Variants in NETO1 observed in about 807,000 individuals in gnomAD.
NETO1 encodes the protein neuropilin and tolloid-like protein 1.
NETO1 carries 26 observed loss-of-function variants against 61.3 expected under a neutral mutation model. The observed-to-expected ratio is 0.42, with a 90% CI of 0.31 to 0.59. The LOEUF (loss-of-function observed/expected upper bound fraction) is 0.59, where lower values mean the gene tolerates loss of function less well. Ranked by LOEUF, NETO1 falls within the 20% of genes least tolerant of loss-of-function variation. The pLI, the probability that NETO1 is intolerant of heterozygous loss-of-function variation, is 0.12. For missense variants in NETO1, 531 were observed against 662.8 expected, an observed-to-expected ratio of 0.80 and a Z score of 2.18; for synonymous variants, 225 against 225.8, an observed-to-expected ratio of 1.00 and a Z score of 0.03.
At chr18:72,820,077 T>C (rs1277725891) in intron 4 of NETO1, among the ~76,000 whole-genome samples, 2 of 152,198 alleles carry the variant, frequency 1.3e-5, no homozygotes, top group Non-Finnish European at 2.9e-5. Flanking sequence ...AAATGAAGAA[T>C]ATGTTTTGTA....
intron 4 of NETO1, among the ~76,000 whole-genome samples, chr18:72,845,418 T>C (rs1468872546): frequency 1.3e-5 from 2 of 152,134 alleles, no homozygotes; most frequent in African/African-American, 4.8e-5. Context: ...ATTGTATATA[T>C]AACATATACA....
At chr18:72,820,300 T>G (rs1288419271) in intron 4 of NETO1, among the ~76,000 whole-genome samples, 2 of 152,240 alleles carry the variant, frequency 1.3e-5, no homozygotes, top group African/African-American at 4.8e-5. Context: ...AAGTTTCAAA[T>G]GATTACAATG....
At chr18:72,742,487 C>G (rs924981111), downstream of NETO1, 2 of 152,128 alleles carry the variant, frequency 1.3e-5, no homozygotes, top group African/African-American at 4.8e-5. Flanking sequence ...TAAAAAATAT[C>G]TTCCAATGAA....
intron 3 of NETO1, 81 bp from the exon 4 acceptor site, chr18:72,859,155 A>G: frequency 7.5e-7 from 1 of 1,334,344 alleles, no homozygotes; most frequent in Non-Finnish European, 1.0e-6. Flanking sequence ...TTCAGATGTT[A>G]TTTGTACATC....
chr18:72,759,079 G>C (rs2070883848), intron 7 of NETO1, among the ~76,000 whole-genome samples: 2 of 152,058 alleles, frequency 1.3e-5, no homozygotes, highest in South Asian at 4.1e-4. Context: ...ACCAAATCAA[G>C]CCTACATTCT....
At chr18:72,758,385 TTGTGTGTGTG>T (rs71166416) in intron 7 of NETO1, among the ~76,000 whole-genome samples, 2 of 142,836 alleles carry the variant, frequency 1.4e-5, no homozygotes, top group African/African-American at 5.2e-5. Flanking sequence ...TTTTTTTTCT[TTGTGTGTGTG>T]TGTGTGTGTG....
At chr18:72,789,089 A>G (rs1273273624) in intron 6 of NETO1, among the ~76,000 whole-genome samples, 10 of 152,124 alleles carry the variant, frequency 6.6e-5, no homozygotes, top group Non-Finnish European at 1.5e-4. Flanking sequence ...TTTATTATTG[A>G]CCAGACATGT....
chr18:72,795,426 T>G (rs944675608), intron 4 of NETO1, among the ~76,000 whole-genome samples: 15 of 152,208 alleles, frequency 9.9e-5, no homozygotes, highest in Admixed American at 9.2e-4. Flanking sequence ...TATGAGTCAT[T>G]AATGATGTCA....
At chr18:72,819,749 C>G (rs967584003) in intron 4 of NETO1, among the ~76,000 whole-genome samples, 3 of 151,914 alleles carry the variant, frequency 2.0e-5, no homozygotes, top group Admixed American at 1.3e-4. Flanking sequence ...TAATATTAAA[C>G]ACAAAAAGAA....
intron 7 of NETO1, among the ~76,000 whole-genome samples, chr18:72,764,057 T>G (rs1292249591): frequency 6.6e-6 from 1 of 152,112 alleles, no homozygotes; most frequent in Non-Finnish European, 1.5e-5. Flanking sequence ...GGGAGGAAAC[T>G]GTCTCTATGA....
chr18:72,862,828 G>C (rs2074619866), intron 3 of NETO1, among the ~76,000 whole-genome samples: 1 of 151,804 alleles, frequency 6.6e-6, no homozygotes, highest in Non-Finnish European at 1.5e-5. Context: ...CAACATATTG[G>C]CCAGGATGGT....
Position 72,830,875 on chromosome 18 carries a change from C to G in NETO1, c.469+27951G>C, listed in dbSNP as rs1252800850. Among the ~76,000 whole-genome samples the G allele has an allele frequency of 6.6e-6, 1 of 152,132 alleles. No individual in the cohort carries two copies. The highest frequency in any genetic ancestry group is 1.5e-5 in the Non-Finnish European group (1 of 68,018). ...TTGTTCACTTTTTATCCCCTATTTT[C>G]TTCTCTGAACATTGAGTTTTCATTT... On this transcript the variant is annotated intron_variant, in intron 4 of 10. Coordinates refer to ENST00000327305, the MANE Select transcript of NETO1 (RefSeq NM_138966.5). This position sits in a 1 kb window ranked among gnomAD's most constrained non-coding sequence, Gnocchi z 4.9.
At chr18:72,799,652 C>G (rs1568209874) in intron 4 of NETO1, among the ~76,000 whole-genome samples, 1 of 152,240 alleles carries the variant, frequency 6.6e-6, no homozygotes, top group Non-Finnish European at 1.5e-5. Context: ...GTGATTAAAA[C>G]TATCAACCAC....
intron 4 of NETO1, among the ~76,000 whole-genome samples, chr18:72,836,999 C>A (rs914276052): frequency 6.6e-6 from 1 of 152,096 alleles, no homozygotes; most frequent in Non-Finnish European, 1.5e-5. Context: ...CCGTGATTGA[C>A]TGAAGATAGA....
intron 7 of NETO1, 146 bp from the exon 8 acceptor site, chr18:72,756,293 G>C: frequency 1.9e-6 from 1 of 531,740 alleles, no homozygotes. Flanking sequence ...TTTCAGAAAC[G>C]GTGCCGTAGT....
intron 4 of NETO1, among the ~76,000 whole-genome samples, chr18:72,851,343 G>A (rs2074242667): frequency 6.6e-6 from 1 of 152,014 alleles, no homozygotes; most frequent in Admixed American, 6.6e-5. Context: ...CCCGGGAGAA[G>A]GAGGTTGTGG....
At chr18:72,835,323 G>T (rs1290104981) in intron 4 of NETO1, 2 of 1,595,540 alleles carry the variant, frequency 1.3e-6, no homozygotes, top group South Asian at 1.1e-5. Context: ...TTTTATTCTG[G>T]AGGCAAAGAG....
chr18:72,814,543 T>C (rs2072969477), intron 4 of NETO1, among the ~76,000 whole-genome samples: 2 of 152,054 alleles, frequency 1.3e-5, no homozygotes, highest in Admixed American at 1.3e-4. Flanking sequence ...TAAACCCAGA[T>C]ATATGAACTA....
At chr18:72,814,001 T>C (rs1479782479) in intron 4 of NETO1, among the ~76,000 whole-genome samples, 3 of 152,040 alleles carry the variant, frequency 2.0e-5, no homozygotes, top group Admixed American at 6.6e-5. Context: ...ACTGGAATGA[T>C]GTATTCAGCA....
Sources: gnomAD v4.1 joint callset for allele counts (sites outside exome capture counted in the v4.1 genomes callset) on GRCh38, gnomAD v4.1.1 for gene constraint, Gnocchi (gnomAD v3.1) non-coding constraint, MANE v1.5 for transcripts, NCBI Gene and HGNC (gene_info 2026-07-23, HGNC 2026-07-21) for gene names.